HSPBAP1: variants seen among roughly 807,000 people sequenced by gnomAD.
HSPBAP1 encodes HSPB1-associated protein 1.
A neutral mutation model predicts 45.2 loss-of-function variants in HSPBAP1; 27 were observed. The observed-to-expected ratio is 0.60, with a 90% CI of 0.44 to 0.82. HSPBAP1 has a LOEUF of 0.82. Ranked by LOEUF, HSPBAP1 falls within the 40% of genes least tolerant of loss-of-function variation. The probability of loss-of-function intolerance (pLI) is 0.00; values close to 1 mark genes in which losing one functional copy is unlikely to be tolerated. For synonymous variants in HSPBAP1, 204 were observed against 202.7 expected (o/e 1.01, Z -0.06); for missense variants, 510 against 590.9 (o/e 0.86, Z 1.42).
At chr3:122,745,842 A>C (rs760482244) in intron 6 of HSPBAP1, among the ~76,000 whole-genome samples, 2 of 152,244 alleles carry the variant, frequency 1.3e-5, no homozygotes, top group Non-Finnish European at 2.9e-5. Flanking sequence ...GGTAAGAAGA[A>C]ATCTTCTATC....
intron 1 of HSPBAP1, among the ~76,000 whole-genome samples, chr3:122,785,856 G>GATAGATAGAT (rs1232102718): frequency 3.3e-5 from 5 of 152,102 alleles, no homozygotes; most frequent in Admixed American, 1.3e-4. Context: ...TAGATAGATA[G>GATAGATAGAT]ATAGATAGAT....
At chr3:122,742,168 G>T (rs1377755287) in intron 6 of HSPBAP1, among the ~76,000 whole-genome samples, 1 of 148,690 alleles carries the variant, frequency 6.7e-6, no homozygotes, top group Non-Finnish European at 1.5e-5. Context: ...ATAAATTATT[G>T]ATATATATAC....
Position 122,793,799 on chromosome 3 carries a change from C to G in HSPBAP1, c.-119G>C. On this transcript the variant is annotated 5_prime_UTR_variant, in exon 1 of 8. Transcript: ENST00000306103. ...CCACAGGAAGGAGCCCCGGCGACTC[C>G]CGCCCGGCTCCTACGGAAACGCCGG... 1.2e-6 allele frequency: 1 copy of G among 818,366 alleles called. No homozygotes were observed. Among genetic ancestry groups the G allele is most frequent in the Non-Finnish European group, 1.9e-6 (1 of 516,198 alleles). The allele number at this position is 818,366 out of a possible 1,614,324, so 50.7% of individuals were successfully genotyped here.
intron 2 of HSPBAP1, among the ~76,000 whole-genome samples, chr3:122,773,365 A>T (rs1173365738): frequency 7.0e-5 from 9 of 128,632 alleles, no homozygotes; most frequent in African/African-American, 2.7e-4. Flanking sequence ...GTTGGAGTGC[A>T]GTGGCACTAT....
intron 3 of HSPBAP1, among the ~76,000 whole-genome samples, chr3:122,765,084 A>G (rs1934728607): frequency 6.6e-6 from 1 of 152,148 alleles, no homozygotes; most frequent in South Asian, 2.1e-4. Flanking sequence ...ATGCTTTCTG[A>G]TGAGACAAGT....
chr3:122,778,222 T>TTTG (rs1935257744), intron 1 of HSPBAP1, among the ~76,000 whole-genome samples: 13 of 151,284 alleles, frequency 8.6e-5, no homozygotes, highest in Admixed American at 8.5e-4. Context: ...TTTGTTGTTT[T>TTTG]TTTTTTTTAA....
chr3:122,780,146 C>G (rs866863225), intron 1 of HSPBAP1, among the ~76,000 whole-genome samples: 100 of 118,592 alleles, frequency 8.4e-4, no homozygotes, highest in African/African-American at 2.3e-3. Context: ...GCTGACCCCC[C>G]CACCTCCCTC....
At chr3:122,790,264 C>T (rs928888813) in intron 1 of HSPBAP1, among the ~76,000 whole-genome samples, 3 of 152,274 alleles carry the variant, frequency 2.0e-5, no homozygotes, top group South Asian at 2.1e-4. Context: ...TTTCCCTCTT[C>T]GTCACTTCAG....
At chr3:122,758,715 A>T (rs1934443699) in intron 4 of HSPBAP1, 2 of 453,602 alleles carry the variant, frequency 4.4e-6, no homozygotes, top group African/African-American at 4.0e-5. Context: ...GCAACACAGA[A>T]AGACTCCATC....
chr3:122,751,921 G>A (rs751751520), intron 6 of HSPBAP1, among the ~76,000 whole-genome samples: 4 of 152,192 alleles, frequency 2.6e-5, no homozygotes, highest in Non-Finnish European at 5.9e-5. Context: ...CTGTCAAACA[G>A]AGCAGAAAGA....
Position 122,755,349 on chromosome 3 carries a change from T to C in HSPBAP1, c.652A>G (p.Ser218Gly). Residue 218 changes from serine to glycine, a missense_variant, in exon 5 of 8, where the codon AGT (serine) becomes GGT (glycine). By Grantham distance (56) the Ser-to-Gly change is moderately conservative. Coordinates refer to ENST00000306103, the MANE Select transcript of HSPBAP1 (RefSeq NM_024610.6). ...RIPYEESSVFSKINVVNPDLK... is the reference protein window; with the variant it reads ...RIPYEESSVFGKINVVNPDLK... ...TCAGGATTGACAACATTGATTTTAC[T>C]GAACACACTAGATTCTTCATAAGGG... The C allele has an allele frequency of 1.2e-6, 2 of 1,605,394 alleles. No homozygotes were observed. The highest frequency in any genetic ancestry group is 1.4e-5 in the African/African-American group (1 of 74,002).
At chr3:122,792,947 GT>G (rs1935881819) in intron 1 of HSPBAP1, among the ~76,000 whole-genome samples, 1 of 151,762 alleles carries the variant, frequency 6.6e-6, no homozygotes, top group Non-Finnish European at 1.5e-5. Context: ...AAGCATTTAT[GT>G]TCTCCCCACT....
chr3:122,740,612 T>C lies in HSPBAP1; in HGVS notation c.1200A>G (p.Glu400=). Residue 400 remains glutamate, a synonymous_variant, in exon 8 of 8, where the codon GAA becomes GAG. Coordinates refer to ENST00000306103, the MANE Select transcript of HSPBAP1 (RefSeq NM_024610.6). ...PDLVPVAQRS[E]EPPSERGGIF... ...TGCCTCCTCTTTCTGAAGGCGGTTCTTCGGACCTCTGTGCTACAGGGACCA... is the reference window on the plus strand; with the variant it reads ...TGCCTCCTCTTTCTGAAGGCGGTTCCTCGGACCTCTGTGCTACAGGGACCA... 2 of 1,614,212 alleles carry C rather than the reference T, an allele frequency of 1.2e-6. No individual in the cohort carries two copies. The highest frequency in any genetic ancestry group is 2.2e-5 in the South Asian group (2 of 91,090).
rs960033117 is a variant in HSPBAP1 at position 122,740,246 on chromosome 3, G to A, written c.*99C>T. 4.3e-6 allele frequency: 3 copies of A among 705,850 alleles called. No homozygotes were observed. The highest frequency in any genetic ancestry group is 3.4e-5 in the Admixed American group (1 of 29,316). The allele number at this position is 705,850 out of a possible 1,614,324, so 43.7% of individuals were successfully genotyped here. On this transcript the variant is annotated 3_prime_UTR_variant, in exon 8 of 8. Coordinates refer to ENST00000306103, the MANE Select transcript of HSPBAP1 (RefSeq NM_024610.6). Reference sequence around the variant, plus strand: ...GGTAAGGATAAATACATTTACAAATGTGCAAACTGACCTTTTGCTGGTTCA... The same window carrying A: ...GGTAAGGATAAATACATTTACAAATATGCAAACTGACCTTTTGCTGGTTCA...
chr3:122,793,571 T>G, intron 1 of HSPBAP1, 46 bp downstream of exon 1: 1 of 1,576,696 alleles, frequency 6.3e-7, no homozygotes, highest in Non-Finnish European at 8.7e-7. Context: ...GAGAGTCAAC[T>G]GGCATTGGGT....
rs74897425 is a variant in HSPBAP1 at position 122,772,611 on chromosome 3, C to G, written c.251-3729G>C. 9.7e-3 allele frequency among the ~76,000 whole-genome samples: 1,471 copies of G among 151,526 alleles called. 25 individuals are homozygous for G. The highest frequency in any genetic ancestry group is 0.034 in the African/African-American group (1,417 of 41,328). On this transcript the variant is annotated intron_variant, in intron 2 of 7. Coordinates refer to ENST00000306103, the MANE Select transcript of HSPBAP1 (RefSeq NM_024610.6). Reference sequence around the variant, plus strand: ...TGTGTAAAAAAAATTCATTGACTACCATATACCAAAATAAATAAGAAATGG... The same window carrying G: ...TGTGTAAAAAAAATTCATTGACTACGATATACCAAAATAAATAAGAAATGG...
At chr3:122,783,343 T>C (rs1399681570) in intron 1 of HSPBAP1, among the ~76,000 whole-genome samples, 5 of 152,226 alleles carry the variant, frequency 3.3e-5, no homozygotes, top group African/African-American at 9.6e-5. Flanking sequence ...AGATTACCTA[T>C]ATTGCAGTGC....
At position 122,787,609 on chromosome 3, in the gene HSPBAP1, T is replaced by C. The variant is rs1489071628; in HGVS notation, c.64+6008A>G. On this transcript the variant is annotated intron_variant, in intron 1 of 7. Transcript: ENST00000306103. Reference sequence around the variant, plus strand: ...ATCACTATAATGATACAGCATGAATTTAAAACTGGGTCCTGGCACAGTGAG... The same window carrying C: ...ATCACTATAATGATACAGCATGAATCTAAAACTGGGTCCTGGCACAGTGAG... 2.6e-5 allele frequency among the ~76,000 whole-genome samples: 4 copies of C among 152,284 alleles called. No homozygotes were observed. The East Asian group carries it at 7.7e-4, about 29-fold the overall frequency.
intron 6 of HSPBAP1, among the ~76,000 whole-genome samples, chr3:122,747,757 T>C (rs1233443693): frequency 2.4e-5 from 3 of 124,562 alleles, no homozygotes; most frequent in Non-Finnish European, 5.0e-5. Flanking sequence ...CGGAGGGAGG[T>C]GGGGGGGTCA....
Sources: allele counts gnomAD v4.1 joint callset (sites outside exome capture counted in the v4.1 genomes callset), GRCh38; gene constraint gnomAD v4.1.1; transcripts MANE v1.5; gene names NCBI Gene and HGNC (gene_info 2026-07-23, HGNC 2026-07-21).